SLCO3A1: variants seen among roughly 807,000 people sequenced by gnomAD.
SLCO3A1 encodes PGE1 transporter.
SLCO3A1 carries 27 observed loss-of-function variants against 63.1 expected under a neutral mutation model. The ratio of observed to expected loss-of-function variants is 0.43; its 90% CI spans 0.32 to 0.59. SLCO3A1 has a LOEUF of 0.59. Ranked by LOEUF, SLCO3A1 falls within the 20% of genes least tolerant of loss-of-function variation. The pLI is 0.09. For missense variants in SLCO3A1, 773 were observed against 945.8 expected (o/e 0.82, Z 2.40); for synonymous variants, 473 against 409.9 (o/e 1.15, Z -1.86).
rs1166141262 is a variant in SLCO3A1, at chr15:91,886,420, C to T, written c.181-29573C>T. Among the ~76,000 whole-genome samples, 1 of 152,134 alleles carries T rather than the reference C, an allele frequency of 6.6e-6. No individual in the cohort carries two copies. Among genetic ancestry groups the T allele is most frequent in the Non-Finnish European group, 1.5e-5 (1 of 68,020 alleles). On this transcript the variant is annotated intron_variant, in intron 1 of 9. Transcript: ENST00000318445. The surrounding 1 kb of genome is among the most constrained non-coding windows in gnomAD (Gnocchi z 4.9). ...GCACCTACCTTGGGTCTGGGTGGCT[C>T]CTGTTTGTGTCCACATCAGCGTGAG...
chr15:91,903,713 G>A (rs557171560), intron 1 of SLCO3A1, among the ~76,000 whole-genome samples: 6 of 152,306 alleles, frequency 3.9e-5, no homozygotes, highest in Admixed American at 2.0e-4. Context: ...TAGCCACCAC[G>A]TGTCCAGCTC....
chr15:91,965,852 CCT>C (rs999151655), intron 2 of SLCO3A1, among the ~76,000 whole-genome samples: 3 of 151,846 alleles, frequency 2.0e-5, no homozygotes, highest in African/African-American at 7.3e-5. Flanking sequence ...AGGAGTAAGC[CCT>C]TAGTCGATTG....
chr15:92,065,922 T>C (rs1307112709), intron 2 of SLCO3A1, among the ~76,000 whole-genome samples: 1 of 152,198 alleles, frequency 6.6e-6, no homozygotes, highest in African/African-American at 2.4e-5. Flanking sequence ...CTGAGCCTGT[T>C]AGGAAAGGCA....
Position 92,163,266 on chromosome 15 carries a change from C to G in SLCO3A1, c.*131C>G, listed in dbSNP as rs2048463334. On this transcript the variant is annotated 3_prime_UTR_variant, in exon 10 of 10. Transcript: ENST00000318445. The stretch of plus-strand genomic sequence containing the variant: ...AGGCACAGATGCACACACACGCAGA[C>G]AGACACACCGACTTTGTCCTTTTTC... 1 of 1,357,448 alleles carries G rather than the reference C, an allele frequency of 7.4e-7. No individual in the cohort carries two copies. The highest frequency in any genetic ancestry group is 1.5e-5 in the African/African-American group (1 of 66,330). 84.1% of individuals were successfully genotyped at this position (1,357,448 alleles called of 1,614,324 possible).
intron 7 of SLCO3A1, among the ~76,000 whole-genome samples, chr15:92,143,984 C>T (rs937101098): frequency 7.9e-5 from 12 of 152,162 alleles, no homozygotes; most frequent in Non-Finnish European, 1.8e-4. Flanking sequence ...GTGGGCATGG[C>T]GCCTCCACTG....
chr15:91,987,368 A>G (rs1000669020), intron 2 of SLCO3A1, among the ~76,000 whole-genome samples: 3 of 152,168 alleles, frequency 2.0e-5, no homozygotes, highest in African/African-American at 7.2e-5. Context: ...GTGATGTATT[A>G]TGCTCTGGGG....
intron 2 of SLCO3A1, among the ~76,000 whole-genome samples, chr15:91,945,540 A>G (rs1049904803): frequency 1.3e-5 from 2 of 152,220 alleles, no homozygotes; most frequent in African/African-American, 2.4e-5. Context: ...GAAGGCAGCA[A>G]GGACAGCATA....
downstream of SLCO3A1, among the ~76,000 whole-genome samples, chr15:92,170,688 G>A (rs1478819828): frequency 2.0e-5 from 3 of 152,234 alleles, no homozygotes; most frequent in Admixed American, 1.3e-4. Context: ...AGTGAGCCAG[G>A]AGTTGGAGGT....
At chr15:91,970,474 A>G (rs1021329307) in intron 2 of SLCO3A1, among the ~76,000 whole-genome samples, 28 of 152,286 alleles carry the variant, frequency 1.8e-4, no homozygotes, top group African/African-American at 6.7e-4. Flanking sequence ...TGTAGTCAAC[A>G]CACGAGAGTC....
chr15:92,167,957 G>A (rs1180865926), downstream of SLCO3A1, among the ~76,000 whole-genome samples: 5 of 151,072 alleles, frequency 3.3e-5, no homozygotes, highest in Middle Eastern at 3.4e-3. Context: ...TTATTTGGGC[G>A]TGCATTGCAT....
At chr15:92,065,381 CCCGG>C (rs1289012910) in intron 2 of SLCO3A1, among the ~76,000 whole-genome samples, 2 of 152,208 alleles carry the variant, frequency 1.3e-5, no homozygotes, top group African/African-American at 4.8e-5. Flanking sequence ...AGCCACCACA[CCCGG>C]CCATTTACCC....
At chr15:91,993,262 T>C (rs2046149767) in intron 2 of SLCO3A1, among the ~76,000 whole-genome samples, 1 of 152,226 alleles carries the variant, frequency 6.6e-6, no homozygotes, top group Admixed American at 6.5e-5. Context: ...CAGTTGTCTT[T>C]GTTTTGAGCC....
At chr15:91,895,483 T>C (rs549530373) in intron 1 of SLCO3A1, among the ~76,000 whole-genome samples, 2 of 152,310 alleles carry the variant, frequency 1.3e-5, no homozygotes, top group South Asian at 2.1e-4. Flanking sequence ...AGCTCAACCA[T>C]AGTGGTCATC....
intron 2 of SLCO3A1, among the ~76,000 whole-genome samples, chr15:92,077,292 T>A (rs1432486284): frequency 1.3e-5 from 2 of 152,140 alleles, no homozygotes; most frequent in Admixed American, 6.5e-5. Context: ...TCTATTACCC[T>A]GTGGTTGGGG....
exon 11 of SLCO3A1, chr15:92,172,240 A>C: frequency 5.5e-6 from 1 of 182,404 alleles, no homozygotes; most frequent in East Asian, 1.5e-4. Flanking sequence ...CTTTAATGAA[A>C]TCAGCCGAGA....
rs565234731 is a variant in SLCO3A1, at chr15:91,926,558, CGTGT to C, written c.646+10136_646+10139del. 2.1e-3 allele frequency among the ~76,000 whole-genome samples: 265 copies of C among 126,060 alleles called. 1 individual carries two copies. Among genetic ancestry groups the C allele is most frequent in the Middle Eastern group, 8.5e-3 (2 of 234 alleles). 82.7% of individuals were successfully genotyped at this position (126,060 alleles called of 152,430 possible). A position where few individuals can be genotyped will look rare whatever the true frequency, so the allele number is the denominator to read the frequency against. ...CTTTGCCATTTCATTCCTGCCAAGCCGTGTGTGTGTGTGTGTGTGTGTGTGTGTG... is the reference window on the plus strand; with the variant it reads ...CTTTGCCATTTCATTCCTGCCAAGCCGTGTGTGTGTGTGTGTGTGTGTGTG... On this transcript the variant is annotated intron_variant, in intron 2 of 9. Transcript: ENST00000318445.
At chr15:92,010,588 C>T (rs1353860200) in intron 2 of SLCO3A1, among the ~76,000 whole-genome samples, 1 of 152,136 alleles carries the variant, frequency 6.6e-6, no homozygotes, top group Non-Finnish European at 1.5e-5. Context: ...CATTTGCTTC[C>T]TGTTACAGTG....
At position 92,012,070 on chromosome 15, in the gene SLCO3A1, G is replaced by A. The variant is rs2046374914; in HGVS notation, c.647-82811G>A. 2.6e-5 allele frequency among the ~76,000 whole-genome samples: 4 copies of A among 152,358 alleles called. No individual in the cohort carries two copies. In the South Asian group the frequency reaches 6.2e-4, roughly 24 times the overall value. On this transcript the variant is annotated intron_variant, in intron 2 of 9. Transcript: ENST00000318445. Reference sequence around the variant, plus strand: ...GGTGCAAAGACAGCCCAGAGAGGAAGAGACAGAAGGCGGAGCCCTGCAGAG... The same window carrying A: ...GGTGCAAAGACAGCCCAGAGAGGAAAAGACAGAAGGCGGAGCCCTGCAGAG...
At position 92,104,235 on chromosome 15, in the gene SLCO3A1, C is replaced by G. The variant is rs531204307; in HGVS notation, c.746-44C>G. 9.4e-6 allele frequency: 15 copies of G among 1,602,536 alleles called. No individual in the cohort carries two copies. In the South Asian group the frequency reaches 1.6e-4, roughly 17 times the overall value. On this transcript the variant is annotated intron_variant, in intron 3 of 9. Coordinates refer to ENST00000318445, the MANE Select transcript of SLCO3A1 (RefSeq NM_013272.4). ...GATTCTCAGCAAAATCCCCAGTGGT[C>G]CAGCCTTCTTTTCTCCACTAAGCTG... is the stretch of plus-strand genomic sequence containing the variant.
Sources: gnomAD v4.1 joint callset for allele counts (sites outside exome capture counted in the v4.1 genomes callset) on GRCh38, gnomAD v4.1.1 for gene constraint, Gnocchi (gnomAD v3.1) non-coding constraint, MANE v1.5 for transcripts, NCBI Gene and HGNC (gene_info 2026-07-23, HGNC 2026-07-21) for gene names.